Variants in ID3 observed in about 807,000 individuals in gnomAD.
ID3 encodes the protein DNA-binding protein inhibitor ID-3.
Under a neutral mutation model 9.6 loss-of-function variants are expected in ID3, and 4 were observed. That is an observed-to-expected ratio of 0.42 (90% CI 0.21 to 0.96). ID3 has a LOEUF of 0.96. Among genes scored for constraint, ID3 ranks in the 40% least tolerant of loss-of-function variants. The pLI is 0.30. For synonymous variants in ID3, 108 were observed against 75.2 expected, an observed-to-expected ratio of 1.44 and a Z score of -2.26; for missense variants, 191 against 164.5, an observed-to-expected ratio of 1.16 and a Z score of -0.88.
Position 23,559,447 on chromosome 1 carries a change from G to A in ID3, c.-21C>T, listed in dbSNP as rs369860058. 1.3e-5 allele frequency: 21 copies of A among 1,599,026 alleles called. No homozygotes were observed. The highest frequency in any genetic ancestry group is 1.7e-5 in the Non-Finnish European group (20 of 1,171,750). ...TTCATGCTGGGGAGTGAGTCCAGAG[G>A]TGCCCCAAAGAGAAAGAAAACCAAA... is the stretch of plus-strand genomic sequence containing the variant. On this transcript the variant is annotated 5_prime_UTR_variant, in exon 1 of 3. Transcript: ENST00000374561.
chr1:23,559,457 GAGAA>G lies in ID3; in HGVS notation c.-35_-32del, dbSNP rs754871833. ...GGAGTGAGTCCAGAGGTGCCCCAAA[GAGAA>G]AGAAAACCAAAAGAAGTCCCGCTAC... On this transcript the variant is annotated 5_prime_UTR_variant, in exon 1 of 3. Transcript: ENST00000374561. 1.8e-5 allele frequency: 28 copies of G among 1,592,228 alleles called. No homozygotes were observed. The Middle Eastern group carries it at 5.1e-4, about 29-fold the overall frequency.
chr1:23,557,929 A>G lies in ID3; in HGVS notation c.*512T>C, dbSNP rs945372621. On this transcript the variant is annotated 3_prime_UTR_variant, in exon 3 of 3. Coordinates refer to ENST00000374561, the MANE Select transcript of ID3 (RefSeq NM_002167.5). ...AATGGAGACGGGTGTCATCATATAC[A>G]CAAGTGTTTAAAAATCGTTTATTAT... 4 of 152,638 alleles carry G rather than the reference A, an allele frequency of 2.6e-5. No individual in the cohort carries two copies. Among genetic ancestry groups the G allele is most frequent in the Non-Finnish European group, 1.5e-5 (1 of 68,034 alleles). The allele number at this position is 152,638 out of a possible 1,614,324, so 9.5% of individuals were successfully genotyped here.
chr1:23,558,891 G>T, intron 2 of ID3, 44 bp downstream of exon 2: 1 of 1,368,586 alleles, frequency 7.3e-7, no homozygotes, highest in South Asian at 1.2e-5. Context: ...CCAACTCCAG[G>T]ACTTGCCGTT....
Position 23,559,453 on chromosome 1 carries a change from C to T in ID3, c.-27G>A, listed in dbSNP as rs770389718. On this transcript the variant is annotated 5_prime_UTR_variant, in exon 1 of 3. Transcript: ENST00000374561. ...CTGGGGAGTGAGTCCAGAGGTGCCC[C>T]AAAGAGAAAGAAAACCAAAAGAAGT... 5.6e-6 allele frequency: 9 copies of T among 1,593,770 alleles called. No individual in the cohort carries two copies. The highest frequency in any genetic ancestry group is 2.7e-5 in the African/African-American group (2 of 74,136).
chr1:23,559,001 C>G lies in ID3; in HGVS notation c.319G>C (p.Glu107Gln). The change falls in exon 2 of 3, where the codon GAA (glutamate) becomes CAA (glutamine). Residue 107 changes from glutamate (E) to glutamine (Q), a missense_variant. By Grantham distance (29) the Glu-to-Gln change is conservative. Coordinates refer to ENST00000374561, the MANE Select transcript of ID3 (RefSeq NM_002167.5). ...CTTTTGTCGTTGGAGATGACAAGTT[C>G]CGGAGTGAGCTCGGCTGTCTGATTA... The part of the protein sequence containing the change: ...LPIQTAELTP[E>Q]LVISNDKRSF... The G allele has an allele frequency of 1.9e-6, 3 of 1,614,176 alleles. No individual in the cohort carries two copies. Among genetic ancestry groups the G allele is most frequent in the Non-Finnish European group, 1.7e-6 (2 of 1,180,016 alleles).
At chr1:23,558,739 C>G (rs2067054) in intron 2 of ID3, 196 bp downstream of exon 2, 213,134 of 575,748 alleles carry the variant, frequency 0.37, 41,695 homozygotes, top group African/African-American at 0.57. Context: ...GAGGGCAGGG[C>G]CCAGGCGCAT....
chr1:23,558,184 T>TG lies in ID3; in HGVS notation c.*256dup, dbSNP rs1272914047. On this transcript the variant is annotated 3_prime_UTR_variant, in exon 3 of 3. Coordinates refer to ENST00000374561, the MANE Select transcript of ID3 (RefSeq NM_002167.5). ...CACGCTCTGAAGAGACCTTAGAACT[T>TG]GGGGGTGGGGTGGGAGCAGGGTGAC... 6.6e-6 allele frequency: 1 copy of TG among 152,374 alleles called. No homozygotes were observed. Among genetic ancestry groups the TG allele is most frequent in the Non-Finnish European group, 1.5e-5 (1 of 68,018 alleles). The allele number at this position is 152,374 out of a possible 1,614,324, so 9.4% of individuals were successfully genotyped here.
Position 23,559,013 on chromosome 1 carries a change from C to T in ID3, c.307G>A (p.Glu103Lys), listed in dbSNP as rs138679775. 2.5e-5 allele frequency: 40 copies of T among 1,614,010 alleles called. No individual in the cohort carries two copies. The highest frequency in any genetic ancestry group is 1.6e-4 in the African/African-American group (12 of 74,914). Residue 103 changes from glutamate (E) to lysine (K), a missense_variant, in exon 2 of 3, where the codon GAG becomes AAG. Transcript: ENST00000374561. The part of the protein sequence containing the change: ...DGPHLPIQTA[E>K]LTPELVISND... Reference sequence around the variant, plus strand: ...GAGATGACAAGTTCCGGAGTGAGCTCGGCTGTCTGATTAGAGGAAAAGAGG... The same window carrying T: ...GAGATGACAAGTTCCGGAGTGAGCTTGGCTGTCTGATTAGAGGAAAAGAGG...
At position 23,559,473 on chromosome 1, in the gene ID3, A is replaced by G. The variant is rs1436674840; in HGVS notation, c.-47T>C. ...TGCCCCAAAGAGAAAGAAAACCAAA[A>G]GAAGTCCCGCTACAGTGACCTGCAA... On this transcript the variant is annotated 5_prime_UTR_variant, in exon 1 of 3. Coordinates refer to ENST00000374561, the MANE Select transcript of ID3 (RefSeq NM_002167.5). The G allele has an allele frequency of 6.3e-7, 1 of 1,578,576 alleles. No individual in the cohort carries two copies. The highest frequency in any genetic ancestry group is 2.3e-5 in the East Asian group (1 of 44,256).
Position 23,559,039 on chromosome 1 carries a change from G to C in ID3, c.301-20C>G, listed in dbSNP as rs767454807. On this transcript the variant is annotated intron_variant, in intron 1 of 2. Transcript: ENST00000374561. Reference sequence around the variant, plus strand: ...GGCTGTCTGATTAGAGGAAAAGAGGGAAGAGTTACGCGAGGCAATCGGGAG... The same window carrying C: ...GGCTGTCTGATTAGAGGAAAAGAGGCAAGAGTTACGCGAGGCAATCGGGAG... 2 of 1,613,774 alleles carry C rather than the reference G, an allele frequency of 1.2e-6. No homozygotes were observed. The highest frequency in any genetic ancestry group is 1.6e-4 in the Middle Eastern group (1 of 6,062).
At position 23,558,998 on chromosome 1, in the gene ID3, G is replaced by A. The variant is rs201701997; in HGVS notation, c.322C>T (p.Leu108Phe). ...PIQTAELTPE[L>F]VISNDKRSFC... ...CTCCTTTTGTCGTTGGAGATGACAA[G>A]TTCCGGAGTGAGCTCGGCTGTCTGA... is the stretch of plus-strand genomic sequence containing the variant. The change falls in exon 2 of 3, where the codon CTT becomes TTT. Residue 108 changes from leucine (L) to phenylalanine (F), a missense_variant. Physicochemically the swap from Leu to Phe is conservative, Grantham distance 22. Transcript: ENST00000374561. The A allele has an allele frequency of 1.5e-5, 24 of 1,614,196 alleles. No individual in the cohort carries two copies. Among genetic ancestry groups the A allele is most frequent in the East Asian group, 4.5e-5 (2 of 44,882 alleles).
In ID3 at chr1:23,558,303, G is replaced by C. The variant is rs555454727; in HGVS notation, c.*138C>G. On this transcript the variant is annotated 3_prime_UTR_variant, in exon 3 of 3. Coordinates refer to ENST00000374561, the MANE Select transcript of ID3 (RefSeq NM_002167.5). ...AGCACCAGGTTTAGTCTCCAGGAAG[G>C]GATTTGGTGAAGTCAAGTGGGCAGG... The C allele has an allele frequency of 1.3e-5, 2 of 152,766 alleles. No individual in the cohort carries two copies. The highest frequency in any genetic ancestry group is 3.8e-4 in the East Asian group (2 of 5,196). 9.5% of individuals were successfully genotyped at this position (152,766 alleles called of 1,614,324 possible).
chr1:23,559,117 C>A lies in ID3; in HGVS notation c.300+10G>T. 6.2e-7 allele frequency: 1 copy of A among 1,613,438 alleles called. No individual in the cohort carries two copies. The highest frequency in any genetic ancestry group is 1.3e-5 in the African/African-American group (1 of 75,042). On this transcript the variant is annotated intron_variant, in intron 1 of 2. Transcript: ENST00000374561. ...TGGGTGTTCAGCCCTGTCCCGACTT[C>A]GAGGCTTACCTGGATGGGAAGGTGG...
At position 23,558,917 on chromosome 1, in the gene ID3, A is replaced by G. The variant is rs928519381; in HGVS notation, c.*25+18T>C. 2 of 1,553,456 alleles carry G rather than the reference A, an allele frequency of 1.3e-6. No homozygotes were observed. The highest frequency in any genetic ancestry group is 2.7e-5 in the African/African-American group (2 of 73,460). On this transcript the variant is annotated intron_variant, in intron 2 of 2. Transcript: ENST00000374561. Reference sequence around the variant, plus strand: ...ACTTGCCGTTTAAACCTCCCTCTCCAAGAGAGGAGATACTCACCTGGAGGT... The same window carrying G: ...ACTTGCCGTTTAAACCTCCCTCTCCGAGAGAGGAGATACTCACCTGGAGGT...
chr1:23,558,664 T>A (rs1004844480), intron 2 of ID3: 2 of 431,598 alleles, frequency 4.6e-6, no homozygotes, highest in Non-Finnish European at 8.5e-6. Context: ...CTATACAACA[T>A]GGAACAGAAA....
In ID3 at chr1:23,559,215, T is replaced by C; in HGVS notation, c.212A>G (p.Gln71Arg). Residue 71 changes from glutamine (Q) to arginine (R), a missense_variant, in exon 1 of 3, where the codon CAG becomes CGG. Coordinates refer to ENST00000374561, the MANE Select transcript of ID3 (RefSeq NM_002167.5). Reference protein sequence around the residue: ...GTQLSQVEILQRVIDYILDLQ... With the variant: ...GTQLSQVEILRRVIDYILDLQ... ...GTCGAGAATGTAGTCGATGACGCGC[T>C]GTAGGATTTCCACCTGGCTAAGCTG... 1 of 1,614,210 alleles carries C rather than the reference T, an allele frequency of 6.2e-7. No individual in the cohort carries two copies. Among genetic ancestry groups the C allele is most frequent in the East Asian group, 2.2e-5 (1 of 44,884 alleles).
rs1643690569 is a variant in ID3, at chr1:23,559,356, A to G, written c.71T>C (p.Ile24Thr). The G allele has an allele frequency of 6.2e-7, 1 of 1,613,252 alleles. No homozygotes were observed. Among genetic ancestry groups the G allele is most frequent in the Non-Finnish European group, 8.5e-7 (1 of 1,180,008 alleles). ...VCCLSERSLA[I>T]ARGRGKGPAA... ...CGGGCCCTTCCCTCGGCCCCGGGCG[A>G]TGGCCAGACTGCGTTCCGACAGGCA... Residue 24 changes from isoleucine to threonine, a missense_variant, in exon 1 of 3, where the codon ATC becomes ACC. Ile to Thr is a moderately conservative substitution (Grantham distance 89). Transcript: ENST00000374561.
At chr1:23,559,050 C>T (rs374655953) in intron 1 of ID3, 31 bp from the exon 2 acceptor site, 93 of 1,613,112 alleles carry the variant, frequency 5.8e-5, no homozygotes, top group Middle Eastern at 1.6e-4. Flanking sequence ...AAGAGTTACG[C>T]GAGGCAATCG....
chr1:23,559,222 T>C lies in ID3; in HGVS notation c.205A>G (p.Ile69Val). ...ATGTAGTCGATGACGCGCTGTAGGA[T>C]TTCCACCTGGCTAAGCTGAGTGCCT... ...PRGTQLSQVE[I>V]LQRVIDYILD... Residue 69 changes from isoleucine to valine, a missense_variant, in exon 1 of 3, where the codon ATC (isoleucine) becomes GTC (valine). Physicochemically the swap from Ile to Val is conservative, Grantham distance 29. Transcript: ENST00000374561. The C allele has an allele frequency of 1.2e-6, 2 of 1,614,144 alleles. No individual in the cohort carries two copies. The highest frequency in any genetic ancestry group is 8.5e-7 in the Non-Finnish European group (1 of 1,180,020).
Sources: gnomAD v4.1 joint callset for allele counts on GRCh38, gnomAD v4.1.1 for gene constraint, MANE v1.5 for transcripts, NCBI Gene and HGNC (gene_info 2026-07-23, HGNC 2026-07-21) for gene names.